ROBO2: variants seen among roughly 807,000 people sequenced by gnomAD.
The protein encoded by ROBO2 is roundabout guidance receptor 2.
Under a neutral mutation model 160.8 loss-of-function variants are expected in ROBO2, and 53 were observed. The observed-to-expected ratio is 0.33, with a 90% CI of 0.26 to 0.41. The LOEUF (loss-of-function observed/expected upper bound fraction) is 0.41, where lower values mean the gene tolerates loss of function less well. Among genes scored for constraint, ROBO2 ranks in the 10% least tolerant of loss-of-function variants. ROBO2 has a pLI of 1.00. For missense variants in ROBO2, 1,577 were observed against 1,722.4 expected, an observed-to-expected ratio of 0.92 and a Z score of 1.49; for synonymous variants, 664 against 611.7, an observed-to-expected ratio of 1.09 and a Z score of -1.26.
intron 2 of ROBO2, among the ~76,000 whole-genome samples, chr3:76,772,606 T>G (rs964289240): frequency 1.3e-5 from 2 of 150,772 alleles, no homozygotes; most frequent in African/African-American, 4.9e-5. Context: ...TATTTTAAGT[T>G]TACTTTGTTA....
In ROBO2 at chr3:76,798,245, G is replaced by GA. The variant is rs1553909345; in HGVS notation, c.110-299767dup. Among the ~76,000 whole-genome samples, 17 of 50,310 alleles carry GA rather than the reference G, an allele frequency of 3.4e-4. No individual in the cohort carries two copies. The East Asian group carries it at 4.9e-3, about 15-fold the overall frequency. The allele number at this position is 50,310 out of a possible 152,430, so 33.0% of individuals were successfully genotyped here. A position where few individuals can be genotyped will look rare whatever the true frequency, so the allele number is the denominator to read the frequency against. ...AAAGAAAGAGAAAGAAAGAAAAAAA[G>GA]AAGAAAGAAAGAAGGAAAGAAAGAA... On this transcript the variant is annotated intron_variant, in intron 2 of 26. Coordinates refer to the ROBO2 transcript ENST00000487694.
At chr3:75,916,095 G>A (rs530602750) in intron 1 of ROBO2, among the ~76,000 whole-genome samples, 1 of 152,226 alleles carries the variant, frequency 6.6e-6, no homozygotes, top group East Asian at 1.9e-4. Context: ...ATGGCACATT[G>A]ATTAATCACC....
chr3:76,464,765 AG>A (rs1185307623), intron 2 of ROBO2, among the ~76,000 whole-genome samples: 1 of 152,182 alleles, frequency 6.6e-6, no homozygotes, highest in African/African-American at 2.4e-5. Flanking sequence ...TGGATATTGT[AG>A]TTTAATTAAG....
intron 1 of ROBO2, among the ~76,000 whole-genome samples, chr3:77,060,506 A>C (rs1458243731): frequency 2.0e-5 from 3 of 152,198 alleles, no homozygotes; most frequent in Non-Finnish European, 2.9e-5. Flanking sequence ...TAAGACACTA[A>C]ACACAGCTAG....
chr3:76,412,231 G>C (rs1365620610), intron 2 of ROBO2, among the ~76,000 whole-genome samples: 1 of 151,828 alleles, frequency 6.6e-6, no homozygotes, highest in Non-Finnish European at 1.5e-5. Flanking sequence ...ACCTCCCCCT[G>C]GGTCCCTCCC....
intron 2 of ROBO2, among the ~76,000 whole-genome samples, chr3:76,868,752 C>G (rs1006886913): frequency 6.6e-6 from 1 of 151,068 alleles, no homozygotes; most frequent in African/African-American, 2.4e-5. Context: ...AAAAATCACT[C>G]GATGATTTTT....
At chr3:76,795,899 C>G (rs999133171) in intron 2 of ROBO2, among the ~76,000 whole-genome samples, 1 of 152,054 alleles carries the variant, frequency 6.6e-6, no homozygotes, top group Admixed American at 6.6e-5. Context: ...AAGTTGTATA[C>G]ACATTGATCC....
At chr3:77,168,753 T>C (rs2079345957) in intron 2 of ROBO2, among the ~76,000 whole-genome samples, 1 of 152,166 alleles carries the variant, frequency 6.6e-6, no homozygotes, top group Admixed American at 6.5e-5. Flanking sequence ...AAGGAACATG[T>C]TGGTCCAATT....
At chr3:77,376,241 G>T (rs1375247131) in intron 2 of ROBO2, among the ~76,000 whole-genome samples, 1 of 131,978 alleles carries the variant, frequency 7.6e-6, no homozygotes. Context: ...TGCAACCTCC[G>T]CCTCCCAGGT....
intron 2 of ROBO2, among the ~76,000 whole-genome samples, chr3:77,323,951 T>C (rs965432002): frequency 5.9e-5 from 9 of 152,312 alleles, no homozygotes; most frequent in African/African-American, 2.2e-4. Flanking sequence ...CCATGTGTAA[T>C]TTCAAGAAAA....
At chr3:77,104,395 A>G (rs2072497116) in intron 2 of ROBO2, among the ~76,000 whole-genome samples, 1 of 152,148 alleles carries the variant, frequency 6.6e-6, no homozygotes, top group African/African-American at 2.4e-5. Context: ...AGCATGTATT[A>G]GTACTTTATT....
At chr3:76,024,425 A>G (rs2066669691) in intron 2 of ROBO2, among the ~76,000 whole-genome samples, 2 of 150,908 alleles carry the variant, frequency 1.3e-5, no homozygotes, top group African/African-American at 2.4e-5. Flanking sequence ...ATTTTGTACT[A>G]TTTTAAAATG....
intron 2 of ROBO2, among the ~76,000 whole-genome samples, chr3:76,904,059 AT>A (rs904938098): frequency 9.9e-5 from 15 of 151,712 alleles, no homozygotes; most frequent in Admixed American, 2.0e-4. Context: ...CTTAAGGATA[AT>A]TTTTTTTTGT....
At chr3:76,721,513 C>T (rs2093466725) in intron 2 of ROBO2, among the ~76,000 whole-genome samples, 1 of 152,042 alleles carries the variant, frequency 6.6e-6, no homozygotes, top group African/African-American at 2.4e-5. Flanking sequence ...AATCTGATTA[C>T]TTCCTGCATT....
chr3:77,051,353 T>C (rs1204451035), intron 1 of ROBO2, among the ~76,000 whole-genome samples: 1 of 152,146 alleles, frequency 6.6e-6, no homozygotes, highest in African/African-American at 2.4e-5. Flanking sequence ...CCTGTACACA[T>C]GGCAATAAGA....
At chr3:77,432,746 CTGTGAAGT>C (rs2078905906) in intron 2 of ROBO2, among the ~76,000 whole-genome samples, 1 of 152,078 alleles carries the variant, frequency 6.6e-6, no homozygotes, top group South Asian at 2.1e-4. Flanking sequence ...GAAGGGTGAC[CTGTGAAGT>C]TTATTCAGTT....
chr3:76,281,489 C>T (rs1708230084), intron 2 of ROBO2, among the ~76,000 whole-genome samples: 1 of 151,858 alleles, frequency 6.6e-6, no homozygotes, highest in African/African-American at 2.4e-5. Context: ...AATGTTTGGA[C>T]AGGAGACATC....
chr3:76,673,442 A>T (rs2092322890), intron 2 of ROBO2, among the ~76,000 whole-genome samples: 1 of 152,210 alleles, frequency 6.6e-6, no homozygotes, highest in Non-Finnish European at 1.5e-5. Flanking sequence ...CCATTTTCAC[A>T]GGAGTCTTGT....
chr3:77,304,951 C>T (rs2062973301), intron 2 of ROBO2, among the ~76,000 whole-genome samples: 1 of 152,134 alleles, frequency 6.6e-6, no homozygotes, highest in South Asian at 2.1e-4. Context: ...TGACCAGGTG[C>T]AGTTCTCTGT....
Sources: gnomAD v4.1 joint callset for allele counts (sites outside exome capture counted in the v4.1 genomes callset) on GRCh38, gnomAD v4.1.1 for gene constraint, MANE v1.5 for transcripts, NCBI Gene and HGNC (gene_info 2026-07-23, HGNC 2026-07-21) for gene names.